The following SLCO3A1 variants were observed in gnomAD, a reference collection of about 807,000 sequenced individuals.
SLCO3A1 encodes PGE1 transporter.
In SLCO3A1, 27 loss-of-function variants were observed where a neutral mutation model predicts 63.1. That is an observed-to-expected ratio of 0.43 (90% CI 0.32 to 0.59). SLCO3A1 has a LOEUF of 0.59. Ranked by LOEUF, SLCO3A1 falls within the 20% of genes least tolerant of loss-of-function variation. SLCO3A1 has a pLI of 0.09. For synonymous variants in SLCO3A1, 473 were observed against 409.9 expected (o/e 1.15, Z -1.86); for missense variants, 773 against 945.8 (o/e 0.82, Z 2.40).
chr15:91,949,776 C>T (rs567119030), intron 2 of SLCO3A1, among the ~76,000 whole-genome samples: 4 of 152,170 alleles, frequency 2.6e-5, no homozygotes, highest in South Asian at 2.1e-4. Flanking sequence ...GCAGGAGGAT[C>T]GCTTGAGGCC....
At chr15:92,066,902 CTG>C (rs1366413641) in intron 2 of SLCO3A1, among the ~76,000 whole-genome samples, 7 of 152,212 alleles carry the variant, frequency 4.6e-5, no homozygotes, top group Admixed American at 3.9e-4. Context: ...TGCAACTTCT[CTG>C]TGCGTAGGAA....
intron 8 of SLCO3A1, chr15:92,149,023 G>A (rs181547275): frequency 7.9e-4 from 121 of 152,326 alleles, no homozygotes; most frequent in African/African-American, 2.6e-3. Context: ...TTTTCGTGAA[G>A]TTATATTGTG....
intron 2 of SLCO3A1, among the ~76,000 whole-genome samples, chr15:92,093,007 A>G (rs940639297): frequency 2.6e-5 from 4 of 152,236 alleles, no homozygotes; most frequent in African/African-American, 9.6e-5. Flanking sequence ...GGGTGGACTC[A>G]GCCCTGTTTC....
At chr15:91,858,198 G>T (rs1292386880) in intron 1 of SLCO3A1, among the ~76,000 whole-genome samples, 1 of 152,062 alleles carries the variant, frequency 6.6e-6, no homozygotes, top group African/African-American at 2.4e-5. Context: ...GAAACTGTCT[G>T]TTGACATTTT....
chr15:92,154,029 G>A (rs2283457), intron 9 of SLCO3A1, among the ~76,000 whole-genome samples: 36,535 of 152,154 alleles, frequency 0.24, 4,608 homozygotes, highest in East Asian at 0.45. Context: ...TAACCAGAGA[G>A]TGACAAGATC....
intron 2 of SLCO3A1, among the ~76,000 whole-genome samples, chr15:92,051,106 G>A (rs1021727241): frequency 6.6e-6 from 1 of 152,152 alleles, no homozygotes; most frequent in Non-Finnish European, 1.5e-5. Context: ...CAATTTTCTT[G>A]TGTTTTTCTC....
Position 92,125,183 on chromosome 15 carries a change from T to C in SLCO3A1, c.1175-878T>C, listed in dbSNP as rs186290092. ...AGCTGGTTAATGTAGTCAGTTGACC[T>C]AGAGGTCTGTTGATTGGCAAGAAGG... On this transcript the variant is annotated intron_variant, in intron 5 of 9. Transcript: ENST00000318445. 3.7e-3 allele frequency among the ~76,000 whole-genome samples: 568 copies of C among 152,328 alleles called. 6 individuals are homozygous for C. Among genetic ancestry groups the C allele is most frequent in the African/African-American group, 0.013 (536 of 41,560 alleles).
chr15:92,086,304 A>G (rs1596086982), intron 2 of SLCO3A1, among the ~76,000 whole-genome samples: 1 of 152,110 alleles, frequency 6.6e-6, no homozygotes, highest in East Asian at 1.9e-4. Context: ...AGACTCTTTA[A>G]CCAGCTGAAA....
chr15:91,929,015 A>AG (rs1028189715), intron 2 of SLCO3A1, among the ~76,000 whole-genome samples: 17 of 152,322 alleles, frequency 1.1e-4, no homozygotes, highest in African/African-American at 3.9e-4. Flanking sequence ...AAAAATGGTA[A>AG]GAAGGTAGGG....
rs777020268 is a variant in SLCO3A1 at position 91,912,388 on chromosome 15, CAAG to C, written c.181-3604_181-3602del. 3.9e-5 allele frequency among the ~76,000 whole-genome samples: 6 copies of C among 152,174 alleles called. No individual in the cohort carries two copies. The highest frequency in any genetic ancestry group is 7.4e-5 in the Non-Finnish European group (5 of 68,026). ...TGCAGCCCAGCAGAAGGCCACAGGT[CAAG>C]GAGGGAAAGACCGTACTACTTCCTG... On this transcript the variant is annotated intron_variant, in intron 1 of 9. Transcript: ENST00000318445. The surrounding 1 kb of genome is among the most constrained non-coding windows in gnomAD (Gnocchi z 5.0).
chr15:92,104,036 A>T (rs1051598808), intron 3 of SLCO3A1, among the ~76,000 whole-genome samples: 1 of 152,238 alleles, frequency 6.6e-6, no homozygotes, highest in African/African-American at 2.4e-5. Flanking sequence ...GTTTTTGTTT[A>T]GACCGATATA....
chr15:92,016,254 T>TAGATTAGATAGATAGATAGA, intron 2 of SLCO3A1, among the ~76,000 whole-genome samples: 1,066 of 95,516 alleles, frequency 0.011, 2 homozygotes, highest in East Asian at 0.046. Context: ...GATAGATAGA[T>TAGATTAGATAGATAGATAGA]TAGATAGATA....
rs1197419020 is a variant in SLCO3A1, at chr15:91,948,184, A to G, written c.646+31726A>G. Among the ~76,000 whole-genome samples the G allele has an allele frequency of 6.6e-6, 1 of 152,200 alleles. No homozygotes were observed. Among genetic ancestry groups the G allele is most frequent in the Non-Finnish European group, 1.5e-5 (1 of 68,024 alleles). The stretch of plus-strand genomic sequence containing the variant: ...CCCTTTGTTACCTGCCCTTTGTTTC[A>G]GTGCCATGCGGCTAATGAATGCCGA... On this transcript the variant is annotated intron_variant, in intron 2 of 9. Transcript: ENST00000318445. The surrounding 1 kb of genome is among the most constrained non-coding windows in gnomAD (Gnocchi z 4.8).
At chr15:91,861,618 G>T (rs1469641878) in intron 1 of SLCO3A1, among the ~76,000 whole-genome samples, 4 of 152,108 alleles carry the variant, frequency 2.6e-5, no homozygotes, top group Non-Finnish European at 5.9e-5. Context: ...AACATAGGCT[G>T]CCATAAGCCC....
At chr15:92,018,758 G>A (rs1268240677) in intron 2 of SLCO3A1, among the ~76,000 whole-genome samples, 3 of 152,150 alleles carry the variant, frequency 2.0e-5, no homozygotes, top group African/African-American at 2.4e-5. Context: ...TCACGGGGTG[G>A]GTTGGAGTGC....
intron 1 of SLCO3A1, among the ~76,000 whole-genome samples, chr15:91,898,720 G>C (rs1405592858): frequency 3.9e-5 from 6 of 152,092 alleles, no homozygotes. Context: ...ACTTCTGGGT[G>C]GGGGAGGGAG....
chr15:91,955,473 C>T (rs940074722), intron 2 of SLCO3A1, among the ~76,000 whole-genome samples: 2 of 152,170 alleles, frequency 1.3e-5, no homozygotes, highest in African/African-American at 4.8e-5. Context: ...GCTGGGACTA[C>T]AGGCGTGTGC....
chr15:91,868,159 C>T (rs2141851663), intron 1 of SLCO3A1, among the ~76,000 whole-genome samples: 1 of 151,986 alleles, frequency 6.6e-6, no homozygotes, highest in East Asian at 1.9e-4. Flanking sequence ...TCAAGTAGTT[C>T]TCCCGCCTCA....
At chr15:91,889,247 C>A in intron 1 of SLCO3A1, 1 of 988,506 alleles carries the variant, frequency 1.0e-6, no homozygotes, top group Non-Finnish European at 1.4e-6. Context: ...TGTGGGTGGT[C>A]CTGCTGGACC....
Sources: allele counts gnomAD v4.1 joint callset (sites outside exome capture counted in the v4.1 genomes callset), GRCh38; gene constraint gnomAD v4.1.1; non-coding constraint Gnocchi (gnomAD v3.1); transcripts MANE v1.5; gene names NCBI Gene and HGNC (gene_info 2026-07-23, HGNC 2026-07-21).